Variants in ZBTB34 observed in about 807,000 individuals in gnomAD.
The protein encoded by ZBTB34 is zinc finger and BTB domain-containing protein 34.
A neutral mutation model predicts 33.4 loss-of-function variants in ZBTB34; 1 was observed. The observed-to-expected ratio is 0.03, with a 90% CI of 0.01 to 0.14. The LOEUF (loss-of-function observed/expected upper bound fraction) is 0.14. Among genes scored for constraint, ZBTB34 ranks in the 10% least tolerant of loss-of-function variants. The probability of loss-of-function intolerance (pLI) is 1.00; values close to 1 mark genes in which losing one functional copy is unlikely to be tolerated. For missense variants in ZBTB34, 406 were observed against 657.2 expected, an observed-to-expected ratio of 0.62 and a Z score of 4.18; for synonymous variants, 283 against 253.5, an observed-to-expected ratio of 1.12 and a Z score of -1.11.
At chr9:126,861,068 G>A (rs911934435) in intron 1 of ZBTB34, among the ~76,000 whole-genome samples, 5 of 152,054 alleles carry the variant, frequency 3.3e-5, no homozygotes, top group Non-Finnish European at 7.4e-5. Context: ...GCCTCCGCCC[G>A]GGGCGTCTCG....
At chr9:126,885,065 T>C (rs753456892) in exon 2 of ZBTB34, 95 of 167,266 alleles carry the variant, frequency 5.7e-4, no homozygotes, top group Middle Eastern at 6.8e-3. Context: ...GATTTCATAT[T>C]ACTCAGTGCA....
intron 1 of ZBTB34, among the ~76,000 whole-genome samples, chr9:126,875,885 C>G (rs761674141): frequency 6.6e-6 from 1 of 151,970 alleles, no homozygotes; most frequent in Admixed American, 6.6e-5. Flanking sequence ...AATGACTGCA[C>G]TAAAGTTTTA....
At chr9:126,861,172 G>A (rs1260716349) in intron 1 of ZBTB34, among the ~76,000 whole-genome samples, 1 of 152,182 alleles carries the variant, frequency 6.6e-6, no homozygotes, top group Non-Finnish European at 1.5e-5. Context: ...AGCCGGCCGG[G>A]CCAGGGGTCG....
At position 126,873,121 on chromosome 9, in the gene ZBTB34, A is replaced by G. The variant is rs537049417; in HGVS notation, c.-10-6269A>G. The stretch of plus-strand genomic sequence containing the variant: ...GAACCCACCTTCCTTTTGTCCTTGC[A>G]TTCCAAAAGTCACTATTTACGCACC... On this transcript the variant is annotated intron_variant, in intron 1 of 1. Coordinates refer to ENST00000319119, the Ensembl canonical transcript of ZBTB34. Among the ~76,000 whole-genome samples the G allele has an allele frequency of 1.4e-3, 219 of 152,306 alleles. 1 individual carries two copies. The highest frequency in any genetic ancestry group is 3.4e-3 in the Middle Eastern group (1 of 294).
At chr9:126,872,819 T>A (rs1213834599) in intron 1 of ZBTB34, among the ~76,000 whole-genome samples, 1 of 152,130 alleles carries the variant, frequency 6.6e-6, no homozygotes, top group African/African-American at 2.4e-5. Context: ...AAAGGAAGTG[T>A]TAATGTAAGG....
chr9:126,885,166 G>A (rs1483244083), exon 2 of ZBTB34: 1 of 167,090 alleles, frequency 6.0e-6, no homozygotes, highest in Non-Finnish European at 1.5e-5. Context: ...GTAAGTGCCA[G>A]AGTGTTCCCA....
chr9:126,865,310 T>C (rs987088623), intron 1 of ZBTB34, among the ~76,000 whole-genome samples: 13 of 152,258 alleles, frequency 8.5e-5, no homozygotes, highest in Non-Finnish European at 1.3e-4. Flanking sequence ...TGACATGTAC[T>C]GAGAGCCTCT....
At chr9:126,871,181 G>GT (rs1241632483) in intron 1 of ZBTB34, among the ~76,000 whole-genome samples, 11,517 of 126,688 alleles carry the variant, frequency 0.091, 680 homozygotes, top group East Asian at 0.22. Context: ...TAAGTGAGGG[G>GT]GGTGTGTGTG....
chr9:126,863,235 T>C (rs1048497308), intron 1 of ZBTB34, among the ~76,000 whole-genome samples: 2 of 152,214 alleles, frequency 1.3e-5, no homozygotes, highest in Non-Finnish European at 2.9e-5. Flanking sequence ...CCGTTTCTTA[T>C]TTGCAGTGTG....
chr9:126,882,726 G>C (rs1186233825), exon 2 of ZBTB34: 1 of 167,118 alleles, frequency 6.0e-6, no homozygotes, highest in African/African-American at 2.4e-5. Context: ...AAGGAATACA[G>C]AATTAGATGT....
chr9:126,880,547 A>G lies in ZBTB34; in HGVS notation c.1148A>G (p.Lys383Arg), dbSNP rs1367343572. 1.9e-6 allele frequency: 3 copies of G among 1,613,890 alleles called. No individual in the cohort carries two copies. In the Admixed American group the frequency reaches 5.0e-5, roughly 27 times the overall value. ...AGGTTGATCTGTATTTACTGTGGAA[A>G]GTCCTTCAACCAGAAAGGAAGCCTT... Residue 383 changes from lysine (K) to arginine (R), a missense_variant, in exon 2 of 2, where the codon AAG (lysine) becomes AGG (arginine). Lys to Arg is a conservative substitution (Grantham distance 26). This residue lies in a region of ZBTB34 where 36 missense variants were observed against 109.4 expected (regional missense o/e 0.33). Transcript: ENST00000319119. The surrounding 1 kb of genome is among the most constrained non-coding windows in gnomAD (Gnocchi z 6.7).
At chr9:126,875,060 G>A (rs1164562733) in intron 1 of ZBTB34, among the ~76,000 whole-genome samples, 1 of 152,118 alleles carries the variant, frequency 6.6e-6, no homozygotes, top group Non-Finnish European at 1.5e-5. Flanking sequence ...TTCTAGATCT[G>A]CACTATCCAG....
chr9:126,878,395 A>G (rs1404619193), intron 1 of ZBTB34, among the ~76,000 whole-genome samples: 1 of 151,714 alleles, frequency 6.6e-6, no homozygotes, highest in Non-Finnish European at 1.5e-5. Context: ...GCTTGAACCT[A>G]GGAGGCGGAG....
chr9:126,880,285 C>T lies in ZBTB34; in HGVS notation c.886C>T (p.Pro296Ser), dbSNP rs370096915. 2.2e-5 allele frequency: 36 copies of T among 1,613,886 alleles called. No homozygotes were observed. In the African/African-American group the frequency reaches 4.8e-4, roughly 22 times the overall value. Residue 296 changes from proline to serine, a missense_variant, in exon 2 of 2, where the codon CCA (proline) becomes TCA (serine). Coordinates refer to ENST00000319119, the Ensembl canonical transcript of ZBTB34. The surrounding 1 kb of genome is among the most constrained non-coding windows in gnomAD (Gnocchi z 6.7). ...CTCCTATTCCCAAGCAGCCTCACAG[C>T]CAACCAATGTATCAGAAGCTTTTGG...
intron 1 of ZBTB34, among the ~76,000 whole-genome samples, chr9:126,861,468 T>C (rs1314799722): frequency 3.3e-5 from 5 of 152,190 alleles, no homozygotes; most frequent in Non-Finnish European, 7.3e-5. Flanking sequence ...CATGTGATCA[T>C]TGAGGGTTTC....
chr9:126,877,142 C>T (rs2033373442), intron 1 of ZBTB34, among the ~76,000 whole-genome samples: 1 of 152,160 alleles, frequency 6.6e-6, no homozygotes, highest in African/African-American at 2.4e-5. Flanking sequence ...ACTCTTAAGG[C>T]ACTGACTTTT....
In ZBTB34 at chr9:126,879,916, T is replaced by G; in HGVS notation, c.517T>G (p.Ser173Ala). The change falls in exon 2 of 2, where the codon TCT becomes GCT. Residue 173 changes from serine (S) to alanine (A), a missense_variant. This residue lies in a region of ZBTB34 where 137 missense variants were observed against 173.0 expected (regional missense o/e 0.79). Coordinates refer to ENST00000319119, the Ensembl canonical transcript of ZBTB34. This position sits in a 1 kb window ranked among gnomAD's most constrained non-coding sequence, Gnocchi z 6.4. ...AGTGGAGATCTCTCCTCCATATTGC[T>G]CTCAGGGACGGCAGCCCACCGCAAG... 1 of 1,612,694 alleles carries G rather than the reference T, an allele frequency of 6.2e-7. No homozygotes were observed. Among genetic ancestry groups the G allele is most frequent in the East Asian group, 2.2e-5 (1 of 44,844 alleles).
Position 126,879,298 on chromosome 9 carries a change from C to T in ZBTB34, c.-10-92C>T. On this transcript the variant is annotated intron_variant, in intron 1 of 1. Coordinates refer to ENST00000319119, the Ensembl canonical transcript of ZBTB34. The surrounding 1 kb of genome is among the most constrained non-coding windows in gnomAD (Gnocchi z 6.4). ...GGTAGATTTTAGGAGGTATGATAGCCACAATGGTATTGTTGTTGTAAGCTT... is the reference window on the plus strand; with the variant it reads ...GGTAGATTTTAGGAGGTATGATAGCTACAATGGTATTGTTGTTGTAAGCTT... 1.9e-6 allele frequency: 2 copies of T among 1,044,330 alleles called. No individual in the cohort carries two copies. Among genetic ancestry groups the T allele is most frequent in the Non-Finnish European group, 2.8e-6 (2 of 717,692 alleles). The allele number at this position is 1,044,330 out of a possible 1,614,324, so 64.7% of individuals were successfully genotyped here.
chr9:126,883,490 T>A (rs1183060635), exon 2 of ZBTB34: 1 of 167,138 alleles, frequency 6.0e-6, no homozygotes, highest in African/African-American at 2.4e-5. Context: ...GGTTTGAGTT[T>A]ACCAAAGAGT....
Sources: gnomAD v4.1 joint callset for allele counts (sites outside exome capture counted in the v4.1 genomes callset) on GRCh38, gnomAD v4.1.1 for gene constraint, gnomAD v4.1.1 regional missense constraint, Gnocchi (gnomAD v3.1) non-coding constraint, MANE v1.5 for transcripts, NCBI Gene and HGNC (gene_info 2026-07-23, HGNC 2026-07-21) for gene names.